Variants in KATNIP observed in about 807,000 individuals in gnomAD.
KATNIP encodes katanin interacting protein.
Under a neutral mutation model 174.0 loss-of-function variants are expected in KATNIP, and 126 were observed. That is an observed-to-expected ratio of 0.72 (90% CI 0.63 to 0.84). The LOEUF (loss-of-function observed/expected upper bound fraction) is 0.84. KATNIP is among the 40% of genes least tolerant of loss of function. KATNIP has a pLI of 0.00. For synonymous variants in KATNIP, 810 were observed against 835.7 expected, an observed-to-expected ratio of 0.97 and a Z score of 0.53; for missense variants, 1,958 against 2,109.7, an observed-to-expected ratio of 0.93 and a Z score of 1.41.
intron 6 of KATNIP, among the ~76,000 whole-genome samples, chr16:27,661,963 CATATATATAT>C (rs56379426): frequency 1.5e-4 from 1 of 6,752 alleles, no homozygotes; most frequent in Non-Finnish European, 2.6e-4. Flanking sequence ...TATACACATA[CATATATATAT>C]ATATATATAT....
intron 1 of KATNIP, among the ~76,000 whole-genome samples, chr16:27,573,131 G>A (rs2090367603): frequency 1.3e-5 from 2 of 152,184 alleles, no homozygotes; most frequent in South Asian, 2.1e-4. Flanking sequence ...AGGGGACACT[G>A]GTTGTGGCAT....
chr16:27,691,277 C>A (rs1350093337), intron 8 of KATNIP, among the ~76,000 whole-genome samples: 1 of 152,160 alleles, frequency 6.6e-6, no homozygotes, highest in Non-Finnish European at 1.5e-5. Context: ...AATTGATACA[C>A]CTTTTGTTTC....
chr16:27,749,651 C>T lies in KATNIP; in HGVS notation c.2691C>T (p.His897=), dbSNP rs750067826. The T allele has an allele frequency of 1.6e-5, 26 of 1,601,402 alleles. No individual in the cohort carries two copies. Among genetic ancestry groups the T allele is most frequent in the Non-Finnish European group, 2.1e-5 (25 of 1,173,804 alleles). The change falls in exon 16 of 28, where the codon CAC becomes CAT. Residue 897 remains histidine (H), a synonymous_variant. Coordinates refer to ENST00000261588, the MANE Select transcript of KATNIP (RefSeq NM_015202.5). ...RWRSEQEHTL[H]ESWSSLSAFD... ...GCAGTGAGCAGGAGCACACACTTCA[C>T]GAGTCATGGAGCTCCCTCAGTGCCT...
chr16:27,763,432 T>G (rs1335503049), intron 19 of KATNIP, among the ~76,000 whole-genome samples: 1 of 137,008 alleles, frequency 7.3e-6, no homozygotes, highest in African/African-American at 2.8e-5. Flanking sequence ...CATAGTGAGA[T>G]TGTGTCTCTA....
intron 2 of KATNIP, among the ~76,000 whole-genome samples, chr16:27,587,926 T>C (rs574692117): frequency 6.6e-6 from 1 of 151,822 alleles, no homozygotes; most frequent in East Asian, 1.9e-4. Context: ...CTTTTCTTTT[T>C]TTTTTTTGAG....
intron 2 of KATNIP, among the ~76,000 whole-genome samples, chr16:27,594,110 A>G (rs899595006): frequency 1.3e-5 from 2 of 151,996 alleles, no homozygotes; most frequent in Admixed American, 6.6e-5. Context: ...AAAACTAAAA[A>G]TTAACCGGGC....
At chr16:27,594,786 A>G (rs1429935804) in intron 2 of KATNIP, among the ~76,000 whole-genome samples, 1 of 152,138 alleles carries the variant, frequency 6.6e-6, no homozygotes, top group African/African-American at 2.4e-5. Context: ...GTGACTTCTC[A>G]TTGGATGACT....
chr16:27,754,422 C>G, intron 18 of KATNIP, 171 bp downstream of exon 18: 1 of 610,468 alleles, frequency 1.6e-6, no homozygotes, highest in Non-Finnish European at 2.9e-6. Context: ...CGCTCAGCTC[C>G]CTGGCCCTAG....
intron 8 of KATNIP, chr16:27,687,172 C>G (rs928676255): frequency 6.6e-6 from 1 of 152,216 alleles, no homozygotes; most frequent in Non-Finnish European, 1.5e-5. Context: ...TCATCAGAAT[C>G]AGTAGCACCT....
At chr16:27,604,990 G>A (rs764018984) in intron 2 of KATNIP, among the ~76,000 whole-genome samples, 4 of 152,106 alleles carry the variant, frequency 2.6e-5, no homozygotes, top group African/African-American at 4.8e-5. Flanking sequence ...GTGCAGTGGC[G>A]TGATCTCGGC....
In KATNIP at chr16:27,777,741, C is replaced by T; in HGVS notation, c.4683C>T (p.Ile1561=). 6.2e-7 allele frequency: 1 copy of T among 1,613,976 alleles called. No homozygotes were observed. The highest frequency in any genetic ancestry group is 1.1e-5 in the South Asian group (1 of 91,026). Reference sequence around the variant, plus strand: ...TCCTCTTCACCGAGGACAGGGACATCCGCCACCAGGAGAAACACACCACCA... The same window carrying T: ...TCCTCTTCACCGAGGACAGGGACATTCGCCACCAGGAGAAACACACCACCA... The part of the protein sequence containing the change: ...HTILFTEDRD[I]RHQEKHTTIS... Residue 1561 remains isoleucine (I), a synonymous_variant, in exon 26 of 28, where the codon ATC becomes ATT. Transcript: ENST00000261588. The surrounding 1 kb of genome is among the most constrained non-coding windows in gnomAD (Gnocchi z 4.4).
At chr16:27,743,753 G>A (rs898621872) in intron 15 of KATNIP, among the ~76,000 whole-genome samples, 3 of 152,160 alleles carry the variant, frequency 2.0e-5, no homozygotes, top group African/African-American at 7.2e-5. Context: ...TAGACAGTAA[G>A]GGTTAAAGCA....
At chr16:27,691,041 T>G (rs1319219423) in intron 8 of KATNIP, among the ~76,000 whole-genome samples, 2 of 152,164 alleles carry the variant, frequency 1.3e-5, no homozygotes, top group Admixed American at 6.5e-5. Flanking sequence ...GGGCTGCCGG[T>G]TTATGATTGC....
intron 1 of KATNIP, among the ~76,000 whole-genome samples, chr16:27,570,740 G>A (rs534077170): frequency 8.5e-5 from 13 of 152,176 alleles, no homozygotes; most frequent in Admixed American, 2.0e-4. Context: ...ACTCGCCACC[G>A]TGAAGTCATC....
chr16:27,722,108 C>T (rs8043889), intron 14 of KATNIP, among the ~76,000 whole-genome samples: 60,953 of 151,986 alleles, frequency 0.4, 15,549 homozygotes, highest in African/African-American at 0.73. Flanking sequence ...GACTCATCTG[C>T]GGGATCTTGC....
At chr16:27,719,562 G>C (rs2080121202) in intron 13 of KATNIP, among the ~76,000 whole-genome samples, 1 of 151,388 alleles carries the variant, frequency 6.6e-6, no homozygotes, top group Non-Finnish European at 1.5e-5. Flanking sequence ...TTTTCTTTTA[G>C]TAGAGACGGG....
chr16:27,749,149 CAA>C (rs1343450228), intron 15 of KATNIP, among the ~76,000 whole-genome samples: 1 of 152,208 alleles, frequency 6.6e-6, no homozygotes, highest in Non-Finnish European at 1.5e-5. Context: ...CGACTCCTGG[CAA>C]AGTTTCTAAC....
intron 3 of KATNIP, among the ~76,000 whole-genome samples, chr16:27,626,101 C>T (rs948708903): frequency 2.6e-5 from 4 of 152,174 alleles, no homozygotes; most frequent in African/African-American, 7.2e-5. Flanking sequence ...TCCAGTCTGC[C>T]TGCCCCAGCC....
At chr16:27,671,569 A>G (rs1300405293) in intron 6 of KATNIP, among the ~76,000 whole-genome samples, 1 of 152,206 alleles carries the variant, frequency 6.6e-6, no homozygotes, top group Non-Finnish European at 1.5e-5. Flanking sequence ...GGGTATGCAT[A>G]TGATTCATTT....
Sources: gnomAD v4.1 joint callset for allele counts (sites outside exome capture counted in the v4.1 genomes callset) on GRCh38, gnomAD v4.1.1 for gene constraint, Gnocchi (gnomAD v3.1) non-coding constraint, MANE v1.5 for transcripts, NCBI Gene and HGNC (gene_info 2026-07-23, HGNC 2026-07-21) for gene names.